KIAA0825: variants seen among roughly 807,000 people sequenced by gnomAD.
The protein encoded by KIAA0825 is uncharacterized protein KIAA0825.
KIAA0825 carries 119 observed loss-of-function variants against 147.6 expected under a neutral mutation model. The observed-to-expected ratio is 0.81, with a 90% CI of 0.69 to 0.94. The LOEUF (loss-of-function observed/expected upper bound fraction) is 0.94, where lower values mean the gene tolerates loss of function less well. KIAA0825 is among the 40% of genes least tolerant of loss of function. The probability of loss-of-function intolerance (pLI) is 0.00; values close to 1 mark genes in which losing one functional copy is unlikely to be tolerated. For synonymous variants in KIAA0825, 470 were observed against 518.1 expected (o/e 0.91, Z 1.26); for missense variants, 1,381 against 1,472.7 (o/e 0.94, Z 1.02).
intron 20 of KIAA0825, among the ~76,000 whole-genome samples, chr5:94,173,091 A>G (rs1182538968): frequency 6.6e-6 from 1 of 152,200 alleles, no homozygotes; most frequent in Non-Finnish European, 1.5e-5. Flanking sequence ...ATTTATAAAA[A>G]TAGATTAAGC....
chr5:94,475,723 C>T (rs1432872777), intron 7 of KIAA0825, among the ~76,000 whole-genome samples: 1 of 152,038 alleles, frequency 6.6e-6, no homozygotes, highest in African/African-American at 2.4e-5. Flanking sequence ...ACAAGAGAAT[C>T]GCTTGAACTT....
intron 5 of KIAA0825, among the ~76,000 whole-genome samples, chr5:94,490,780 T>G (rs1763644349): frequency 6.6e-6 from 1 of 152,190 alleles, no homozygotes; most frequent in African/African-American, 2.4e-5. Flanking sequence ...CTACAGATTA[T>G]ACACTTAAAG....
chr5:94,241,260 A>T (rs1050085739), intron 20 of KIAA0825, among the ~76,000 whole-genome samples: 2 of 152,228 alleles, frequency 1.3e-5, no homozygotes, highest in Admixed American at 6.5e-5. Flanking sequence ...TGGCACAAAA[A>T]TTTCAGCCAC....
intron 20 of KIAA0825, among the ~76,000 whole-genome samples, chr5:94,297,788 G>A (rs149018563): frequency 0.01 from 1,534 of 151,424 alleles, 29 homozygotes; most frequent in African/African-American, 0.035. Context: ...TAGAGATAAG[G>A]TTTCACTATG....
chr5:94,523,826 A>G (rs1286030455), intron 4 of KIAA0825, 104 bp downstream of exon 4: 1 of 667,482 alleles, frequency 1.5e-6, no homozygotes, highest in African/African-American at 1.9e-5. Context: ...TATGTATGGC[A>G]GGCTAATATG....
intron 20 of KIAA0825, among the ~76,000 whole-genome samples, chr5:94,383,187 A>G (rs1049622448): frequency 3.9e-5 from 6 of 152,192 alleles, no homozygotes; most frequent in Non-Finnish European, 7.3e-5. Context: ...TTGCTGGGGA[A>G]AGGCTCTGGC....
intron 2 of KIAA0825, among the ~76,000 whole-genome samples, chr5:94,574,695 T>C (rs1445496018): frequency 6.6e-6 from 1 of 152,138 alleles, no homozygotes; most frequent in African/African-American, 2.4e-5. Context: ...AATATATAAT[T>C]ATGTCTTCAT....
At chr5:94,482,444 A>C (rs1250588063) in intron 6 of KIAA0825, among the ~76,000 whole-genome samples, 1 of 152,062 alleles carries the variant, frequency 6.6e-6, no homozygotes, top group Non-Finnish European at 1.5e-5. Context: ...TCCAATCAAA[A>C]TAAACACGCA....
At chr5:94,610,492 G>A (rs1320270019) in intron 1 of KIAA0825, among the ~76,000 whole-genome samples, 3 of 148,870 alleles carry the variant, frequency 2.0e-5, no homozygotes, top group Admixed American at 6.7e-5. Context: ...GGCTGGGCAC[G>A]GTGGCTCACA....
At chr5:94,453,113 T>G (rs754612743) in intron 12 of KIAA0825, 44 bp from the exon 13 acceptor site, 1 of 925,604 alleles carries the variant, frequency 1.1e-6, no homozygotes, top group South Asian at 1.7e-5. Context: ...CAGGAAGCAT[T>G]AACTATGACC....
chr5:94,307,141 C>A (rs969918987), intron 20 of KIAA0825, among the ~76,000 whole-genome samples: 1 of 151,780 alleles, frequency 6.6e-6, no homozygotes, highest in Non-Finnish European at 1.5e-5. Context: ...TTATTTACCA[C>A]TGATAGTCTT....
intron 20 of KIAA0825, among the ~76,000 whole-genome samples, chr5:94,211,868 A>G (rs902376089): frequency 9.2e-5 from 14 of 152,200 alleles, no homozygotes; most frequent in African/African-American, 3.4e-4. Flanking sequence ...CTCAGATATA[A>G]CTAGGTATTT....
chr5:94,381,137 T>C (rs1196441739), intron 20 of KIAA0825, among the ~76,000 whole-genome samples: 2 of 152,216 alleles, frequency 1.3e-5, no homozygotes, highest in African/African-American at 2.4e-5. Context: ...TCTGATCTGA[T>C]ACTTTTTCTG....
chr5:94,569,885 G>A (rs1584924008), intron 2 of KIAA0825: 1 of 160,740 alleles, frequency 6.2e-6, no homozygotes, highest in Non-Finnish European at 1.4e-5. Context: ...CTGAAACATT[G>A]GTATTATCCT....
At chr5:94,161,548 G>A (rs762202617) in intron 20 of KIAA0825, among the ~76,000 whole-genome samples, 30 of 152,002 alleles carry the variant, frequency 2.0e-4, no homozygotes, top group Non-Finnish European at 3.8e-4. Flanking sequence ...ATGGATATTA[G>A]GTCAATTTTG....
At chr5:94,457,816 G>A (rs1279532596) in intron 12 of KIAA0825, among the ~76,000 whole-genome samples, 1 of 152,234 alleles carries the variant, frequency 6.6e-6, no homozygotes, top group East Asian at 1.9e-4. Flanking sequence ...CAGGAGAAAC[G>A]GGTCTCATAA....
chr5:94,310,065 A>G (rs1309715731), intron 20 of KIAA0825, among the ~76,000 whole-genome samples: 1 of 151,774 alleles, frequency 6.6e-6, no homozygotes, highest in African/African-American at 2.4e-5. Flanking sequence ...TTTTAATTAA[A>G]GACTAAAAAG....
chr5:94,520,577 T>C lies in KIAA0825; in HGVS notation c.641A>G (p.Asn214Ser), dbSNP rs1767979679. ...PESEVIIKYQ[N>S]IQNKLLANLL... ...ATTAGCCAACAGTTTATTCTGTATG[T>C]TTTGGTATTTGATTATAACTTCTGA... is the stretch of plus-strand genomic sequence containing the variant. Residue 214 changes from asparagine (N) to serine (S), a missense_variant, in exon 5 of 21, where the codon AAC becomes AGC. By Grantham distance (46) the Asn-to-Ser change is conservative. Coordinates refer to ENST00000682413, the MANE Select transcript of KIAA0825 (RefSeq NM_001145678.3). The C allele has an allele frequency of 6.2e-7, 1 of 1,613,412 alleles. No homozygotes were observed. The highest frequency in any genetic ancestry group is 1.1e-5 in the South Asian group (1 of 91,062).
chr5:94,442,836 T>G (rs763109857), intron 13 of KIAA0825, among the ~76,000 whole-genome samples: 1 of 152,122 alleles, frequency 6.6e-6, no homozygotes, highest in Non-Finnish European at 1.5e-5. Context: ...CTTTGAGAGA[T>G]AGTCTGAAGA....
Sources: allele counts gnomAD v4.1 joint callset (sites outside exome capture counted in the v4.1 genomes callset), GRCh38; gene constraint gnomAD v4.1.1; transcripts MANE v1.5; gene names NCBI Gene and HGNC (gene_info 2026-07-23, HGNC 2026-07-21).